Variants in CCBE1 observed in about 807,000 individuals in gnomAD.
CCBE1 encodes the protein collagen and calcium-binding EGF domain-containing protein 1.
Under a neutral mutation model 50.0 loss-of-function variants are expected in CCBE1, and 37 were observed. The ratio of observed to expected loss-of-function variants is 0.74; its 90% CI spans 0.57 to 0.97. The LOEUF is 0.97. CCBE1 is among the 50% of genes least tolerant of loss of function. CCBE1 has a pLI of 0.00. For missense variants in CCBE1, 538 were observed against 523.8 expected (o/e 1.03, Z -0.26); for synonymous variants, 234 against 203.7 (o/e 1.15, Z -1.27).
intron 2 of CCBE1, among the ~76,000 whole-genome samples, chr18:59,672,210 G>A (rs1331726511): frequency 6.6e-6 from 1 of 152,164 alleles, no homozygotes; most frequent in Non-Finnish European, 1.5e-5. Context: ...ACATGAAGGA[G>A]GATCATGATC....
intron 2 of CCBE1, among the ~76,000 whole-genome samples, chr18:59,556,775 G>T (rs2052663171): frequency 6.6e-6 from 1 of 152,160 alleles, no homozygotes. Context: ...AAATGTCCAA[G>T]GAAAGAGGTA....
At chr18:59,468,598 C>T (rs952264913) in intron 4 of CCBE1, among the ~76,000 whole-genome samples, 1 of 152,094 alleles carries the variant, frequency 6.6e-6, no homozygotes, top group African/African-American at 2.4e-5. Context: ...AGAGGACCTA[C>T]GGTTAGAACT....
intron 2 of CCBE1, among the ~76,000 whole-genome samples, chr18:59,633,682 G>A (rs948189098): frequency 1.3e-5 from 2 of 151,528 alleles, no homozygotes; most frequent in East Asian, 1.9e-4. Flanking sequence ...CCAACAGAAC[G>A]AAGCCAATCC....
chr18:59,503,886 C>T (rs1913745134), intron 2 of CCBE1, among the ~76,000 whole-genome samples: 2 of 152,176 alleles, frequency 1.3e-5, no homozygotes, highest in Non-Finnish European at 2.9e-5. Flanking sequence ...TACTCTCCAC[C>T]TATGGGTACA....
intron 2 of CCBE1, among the ~76,000 whole-genome samples, chr18:59,524,529 G>C (rs892564558): frequency 6.6e-6 from 1 of 152,068 alleles, no homozygotes; most frequent in African/African-American, 2.4e-5. Flanking sequence ...AGTTCAATAA[G>C]TGTAAAAGAA....
At chr18:59,441,901 A>T (rs1023860863) in intron 7 of CCBE1, among the ~76,000 whole-genome samples, 1 of 152,216 alleles carries the variant, frequency 6.6e-6, no homozygotes, top group Non-Finnish European at 1.5e-5. Context: ...TCCAAGGAGA[A>T]AAAGAAAACC....
intron 2 of CCBE1, among the ~76,000 whole-genome samples, chr18:59,547,087 G>C (rs8084881): frequency 1.2e-4 from 13 of 112,676 alleles, no homozygotes; most frequent in Admixed American, 2.6e-4. Context: ...GAGAAAGGGA[G>C]AGAGAGGGAG....
intron 2 of CCBE1, among the ~76,000 whole-genome samples, chr18:59,578,293 G>A (rs750947385): frequency 1.1e-4 from 17 of 152,088 alleles, no homozygotes; most frequent in Non-Finnish European, 2.2e-4. Flanking sequence ...TAACAAGTCA[G>A]GAAACAGATG....
In CCBE1 at chr18:59,561,751, C is replaced by G. The variant is rs538136463; in HGVS notation, c.213-81513G>C. On this transcript the variant is annotated intron_variant, in intron 2 of 10. Coordinates refer to ENST00000439986, the MANE Select transcript of CCBE1 (RefSeq NM_133459.4). Reference sequence around the variant, plus strand: ...GAGCAAGGACACAGCTTGGCTTGCTCATGCCCAGAGAAAGAGTTAAGCTGC... The same window carrying G: ...GAGCAAGGACACAGCTTGGCTTGCTGATGCCCAGAGAAAGAGTTAAGCTGC... Among the ~76,000 whole-genome samples, 9 of 152,232 alleles carry G rather than the reference C, an allele frequency of 5.9e-5. No homozygotes were observed. The East Asian group carries it at 1.5e-3, about 26-fold the overall frequency.
chr18:59,649,703 C>T (rs1017176515), intron 2 of CCBE1, among the ~76,000 whole-genome samples: 1 of 152,168 alleles, frequency 6.6e-6, no homozygotes, highest in African/African-American at 2.4e-5. Context: ...TGCTGTTGGA[C>T]TGTAATAGTA....
At chr18:59,582,975 C>A (rs912715492) in intron 2 of CCBE1, among the ~76,000 whole-genome samples, 1 of 152,020 alleles carries the variant, frequency 6.6e-6, no homozygotes, top group African/African-American at 2.4e-5. Context: ...TACCACCATG[C>A]CCAACTAAAT....
chr18:59,543,853 A>AAAG (rs1568197063), intron 2 of CCBE1, among the ~76,000 whole-genome samples: 1 of 150,046 alleles, frequency 6.7e-6, no homozygotes. Flanking sequence ...AAAAAAAAAA[A>AAAG]AAAAACAGAA....
intron 2 of CCBE1, among the ~76,000 whole-genome samples, chr18:59,515,178 G>A (rs1411602862): frequency 1.3e-5 from 2 of 152,156 alleles, no homozygotes; most frequent in African/African-American, 4.8e-5. Context: ...AAATGTACAC[G>A]GTTGCAACCT....
chr18:59,611,211 G>A (rs1258364516), intron 2 of CCBE1, among the ~76,000 whole-genome samples: 2 of 152,212 alleles, frequency 1.3e-5, no homozygotes, highest in African/African-American at 4.8e-5. Context: ...AATTTATTAA[G>A]TATCACTCAG....
intron 2 of CCBE1, among the ~76,000 whole-genome samples, chr18:59,681,112 T>C (rs927240818): frequency 6.6e-6 from 1 of 150,756 alleles, no homozygotes; most frequent in African/African-American, 2.4e-5. Flanking sequence ...CTAAGTTGCA[T>C]AGCTGTCTTG....
chr18:59,659,754 A>T lies in CCBE1; in HGVS notation c.212+36875T>A, dbSNP rs1694724329. Among the ~76,000 whole-genome samples, 5 of 152,198 alleles carry T rather than the reference A, an allele frequency of 3.3e-5. No individual in the cohort carries two copies. In the South Asian group the frequency reaches 1.0e-3, roughly 32 times the overall value. ...ATAGGTAGAGGAAATAGTAAAATCC[A>T]TCCTGAACCGACTGAAGCAGAAACT... is the stretch of plus-strand genomic sequence containing the variant. On this transcript the variant is annotated intron_variant, in intron 2 of 10. Transcript: ENST00000439986.
At chr18:59,516,527 A>T (rs1281574218) in intron 2 of CCBE1, among the ~76,000 whole-genome samples, 1 of 152,018 alleles carries the variant, frequency 6.6e-6, no homozygotes, top group Non-Finnish European at 1.5e-5. Flanking sequence ...TTAACATTCC[A>T]CTGATAGGGG....
At chr18:59,439,639 C>A (rs770313844) in intron 8 of CCBE1, 38 bp downstream of exon 8, 2 of 1,614,208 alleles carry the variant, frequency 1.2e-6, no homozygotes, top group East Asian at 4.5e-5. Flanking sequence ...AACACATTTT[C>A]CCCCAAAAAG....
intron 2 of CCBE1, among the ~76,000 whole-genome samples, chr18:59,603,943 C>T (rs1469311032): frequency 2.6e-5 from 4 of 152,176 alleles, no homozygotes; most frequent in African/African-American, 9.7e-5. Flanking sequence ...AAAGGGATGC[C>T]TTTGTAGTGC....
Sources: gnomAD v4.1 joint callset for allele counts (sites outside exome capture counted in the v4.1 genomes callset) on GRCh38, gnomAD v4.1.1 for gene constraint, MANE v1.5 for transcripts, NCBI Gene and HGNC (gene_info 2026-07-23, HGNC 2026-07-21) for gene names.